Variants in EIF5B observed in about 807,000 individuals in gnomAD.
EIF5B encodes the protein eIF-5B.
Under a neutral mutation model 147.5 loss-of-function variants are expected in EIF5B, and 47 were observed. The ratio of observed to expected loss-of-function variants is 0.32; its 90% CI spans 0.25 to 0.41. The LOEUF is 0.41. Among genes scored for constraint, EIF5B ranks in the 10% least tolerant of loss-of-function variants. The pLI is 1.00. For missense variants in EIF5B, 1,064 were observed against 1,413.2 expected (o/e 0.75, Z 3.96); for synonymous variants, 455 against 456.2 (o/e 1.00, Z 0.03).
intron 14 of EIF5B, 144 bp downstream of exon 14, chr2:99,383,065 T>C (rs984534664): frequency 8.6e-5 from 71 of 830,344 alleles, no homozygotes; most frequent in Admixed American, 4.0e-5. Flanking sequence ...TGTGTGTGTG[T>C]GTGTATTTGT....
intron 14 of EIF5B, 155 bp from the exon 15 acceptor site, chr2:99,389,563 A>T (rs1381529802): frequency 1.9e-6 from 1 of 532,594 alleles, no homozygotes; most frequent in Non-Finnish European, 3.0e-6. Context: ...GCCGATAAGC[A>T]GTCTGAAAGG....
At chr2:99,383,845 G>C (rs1359663812) in intron 14 of EIF5B, among the ~76,000 whole-genome samples, 1 of 140,194 alleles carries the variant, frequency 7.1e-6, no homozygotes, top group East Asian at 2.0e-4. Flanking sequence ...TGGCTTCAAA[G>C]CTTCAAAGGT....
At chr2:99,376,223 ATTC>A (rs1316607785) in intron 9 of EIF5B, 121 bp from the exon 10 acceptor site, 41 of 597,232 alleles carry the variant, frequency 6.9e-5, no homozygotes, top group Non-Finnish European at 9.6e-5. Flanking sequence ...GCCCAAGACA[ATTC>A]TTCTTGTAAT....
intron 14 of EIF5B, among the ~76,000 whole-genome samples, chr2:99,384,434 A>C (rs1436437944): frequency 6.6e-6 from 1 of 152,202 alleles, no homozygotes; most frequent in African/African-American, 2.4e-5. Flanking sequence ...CGTGCCTGCT[A>C]ATACAGCATC....
chr2:99,391,720 T>G (rs528581826), intron 17 of EIF5B, among the ~76,000 whole-genome samples: 2 of 151,756 alleles, frequency 1.3e-5, no homozygotes, highest in African/African-American at 4.8e-5. Flanking sequence ...TGTACTTTTA[T>G]AGCTGGCTCT....
chr2:99,389,942 T>G lies in EIF5B; in HGVS notation c.2403+93T>G. The G allele has an allele frequency of 4.1e-6, 6 of 1,455,798 alleles. 1 individual carries two copies. The South Asian group carries it at 7.2e-5, about 17-fold the overall frequency. The allele number at this position is 1,455,798 out of a possible 1,614,324, so 90.2% of individuals were successfully genotyped here. A position where few individuals can be genotyped will look rare whatever the true frequency, so the allele number is the denominator to read the frequency against. ...AGTCAGCATTTTCATTAATACTGGT[T>G]CTTTTCCTCTGTTGACAGCAATTAC... On this transcript the variant is annotated intron_variant, in intron 15 of 23. Transcript: ENST00000289371.
At chr2:99,346,550 T>A (rs2094273708) in intron 1 of EIF5B, among the ~76,000 whole-genome samples, 2 of 149,184 alleles carry the variant, frequency 1.3e-5, no homozygotes, top group South Asian at 4.3e-4. Flanking sequence ...TTTGAGCACT[T>A]ACCATGTGAT....
Position 99,396,817 on chromosome 2 carries a change from T to C in EIF5B, c.3312T>C (p.Ser1104=). ...IKILPQYIFN[S]RDPIVMGVTV... Reference sequence around the variant, plus strand: ...TCCTCCCTCAGTACATTTTTAATTCTCGAGATCCGATAGTGATGGGGGTGA... The same window carrying C: ...TCCTCCCTCAGTACATTTTTAATTCCCGAGATCCGATAGTGATGGGGGTGA... Residue 1104 remains serine (S), a synonymous_variant, in exon 22 of 24, where the codon TCT becomes TCC. Coordinates refer to ENST00000289371, the MANE Select transcript of EIF5B (RefSeq NM_015904.4). 1 of 1,613,826 alleles carries C rather than the reference T, an allele frequency of 6.2e-7. No individual in the cohort carries two copies. The highest frequency in any genetic ancestry group is 8.5e-7 in the Non-Finnish European group (1 of 1,179,918).
intron 1 of EIF5B, among the ~76,000 whole-genome samples, chr2:99,344,068 G>T (rs2094267146): frequency 6.6e-6 from 1 of 151,642 alleles, no homozygotes; most frequent in Admixed American, 6.6e-5. Flanking sequence ...ACAGGCACCT[G>T]CTACCACGCC....
chr2:99,337,804 C>G (rs1002826499), intron 1 of EIF5B, among the ~76,000 whole-genome samples: 3 of 123,492 alleles, frequency 2.4e-5, no homozygotes, highest in African/African-American at 5.6e-5. Flanking sequence ...TCGAGCCTCG[C>G]TCCCCCGGCA....
intron 21 of EIF5B, among the ~76,000 whole-genome samples, 189 bp downstream of exon 21, chr2:99,395,072 G>A (rs1369701882): frequency 1.3e-5 from 2 of 152,210 alleles, no homozygotes; most frequent in South Asian, 2.1e-4. Context: ...ATGCAAACAA[G>A]TCTTGTCTGT....
In EIF5B at chr2:99,382,775, A is replaced by C. The variant is rs1297019141; in HGVS notation, c.2130-5A>C. 6.3e-7 allele frequency: 1 copy of C among 1,585,880 alleles called. No homozygotes were observed. The highest frequency in any genetic ancestry group is 2.2e-5 in the East Asian group (1 of 44,660). ...ACTTATAGATCTTTTCCTTCTTTTC[A>C]ACAGTAATCTGAGAAATAGAGGAAG... On this transcript the variant is annotated splice_region_variant and splice_polypyrimidine_tract_variant and intron_variant, in intron 13 of 23. Coordinates refer to ENST00000289371, the MANE Select transcript of EIF5B (RefSeq NM_015904.4).
intron 14 of EIF5B, among the ~76,000 whole-genome samples, chr2:99,388,197 G>A (rs1167145798): frequency 6.6e-6 from 1 of 152,088 alleles, no homozygotes; most frequent in African/African-American, 2.4e-5. Context: ...TAAATAATGT[G>A]AGTTTTTCTA....
chr2:99,350,749 G>A (rs55658989), intron 1 of EIF5B, among the ~76,000 whole-genome samples: 1,928 of 151,944 alleles, frequency 0.013, 14 homozygotes, highest in Non-Finnish European at 0.021. Context: ...TGTATTTGTC[G>A]GTTTATGCTT....
rs764108939 is a variant in EIF5B at position 99,394,516 on chromosome 2, G to C, written c.3020G>C (p.Gly1007Ala). The stretch of plus-strand genomic sequence containing the variant: ...AAACTCCCATTTTTTCAGTATGCAG[G>C]AATTAACATTGGCCCAGTGCATAAA... ...FLKTSEVPYA[G>A]INIGPVHKKD... The change falls in exon 20 of 24, where the codon GGA (glycine) becomes GCA (alanine). Residue 1007 changes from glycine (G) to alanine (A), a missense_variant. Transcript: ENST00000289371. 1 of 1,614,126 alleles carries C rather than the reference G, an allele frequency of 6.2e-7. No individual in the cohort carries two copies. Among genetic ancestry groups the C allele is most frequent in the Non-Finnish European group, 8.5e-7 (1 of 1,180,030 alleles).
In EIF5B at chr2:99,369,421, G is replaced by A. The variant is rs748958387; in HGVS notation, c.1417G>A (p.Val473Ile). Reference protein sequence around the residue: ...VSESMELCAAVEVMEQGVPEK... With the variant: ...VSESMELCAAIEVMEQGVPEK... ...TGAATCAATGGAATTATGTGCTGCTGTAGAAGTTATGGAACAAGGAGTACC... is the reference window on the plus strand; with the variant it reads ...TGAATCAATGGAATTATGTGCTGCTATAGAAGTTATGGAACAAGGAGTACC... The change falls in exon 8 of 24, where the codon GTA becomes ATA. Residue 473 changes from valine (V) to isoleucine (I), a missense_variant. This residue lies in a region of EIF5B where 195 missense variants were observed against 186.3 expected (regional missense o/e 1.05). Coordinates refer to ENST00000289371, the MANE Select transcript of EIF5B (RefSeq NM_015904.4). The A allele has an allele frequency of 6.2e-7, 1 of 1,611,768 alleles. No individual in the cohort carries two copies.
At chr2:99,349,787 A>C (rs1198226779) in intron 1 of EIF5B, among the ~76,000 whole-genome samples, 1 of 152,190 alleles carries the variant, frequency 6.6e-6, no homozygotes, top group Non-Finnish European at 1.5e-5. Context: ...CACGTCAAAC[A>C]CTTGTCATTT....
chr2:99,354,893 C>G (rs1253437681), intron 1 of EIF5B, among the ~76,000 whole-genome samples: 1 of 148,714 alleles, frequency 6.7e-6, no homozygotes, highest in African/African-American at 2.5e-5. Context: ...ACTTCTGCCT[C>G]CTGGGTTCAA....
intron 14 of EIF5B, among the ~76,000 whole-genome samples, chr2:99,388,568 TAG>T (rs1391604189): frequency 6.6e-6 from 1 of 152,248 alleles, no homozygotes. Flanking sequence ...CCTGCGTATG[TAG>T]AGATGTTCAT....
Sources: allele counts gnomAD v4.1 joint callset (sites outside exome capture counted in the v4.1 genomes callset), GRCh38; gene constraint gnomAD v4.1.1; regional missense constraint gnomAD v4.1.1; transcripts MANE v1.5; gene names NCBI Gene and HGNC (gene_info 2026-07-23, HGNC 2026-07-21).